Variants in MAST4 observed in about 807,000 individuals in gnomAD.
MAST4 encodes the protein microtubule-associated serine/threonine-protein kinase 4.
MAST4 carries 89 observed loss-of-function variants against 162.7 expected under a neutral mutation model. That is an observed-to-expected ratio of 0.55 (90% confidence interval 0.46 to 0.65). The LOEUF is 0.65. Among genes scored for constraint, MAST4 ranks in the 30% least tolerant of loss-of-function variants. MAST4 has a pLI of 0.00. For synonymous variants in MAST4, 1,479 were observed against 1,361.1 expected, an observed-to-expected ratio of 1.09 and a Z score of -1.91; for missense variants, 3,153 against 3,374.0, an observed-to-expected ratio of 0.93 and a Z score of 1.62.
chr5:66,598,085 G>A (rs1442660073), intron 1 of MAST4, among the ~76,000 whole-genome samples: 2 of 152,196 alleles, frequency 1.3e-5, no homozygotes, highest in East Asian at 1.9e-4. Flanking sequence ...GTCCCTTAGA[G>A]TAAGCAATCA....
chr5:67,123,095 A>T (rs1767777310), intron 14 of MAST4, among the ~76,000 whole-genome samples: 1 of 152,218 alleles, frequency 6.6e-6, no homozygotes, highest in Non-Finnish European at 1.5e-5. Context: ...GCTTATGGGA[A>T]CTGGCTGAAC....
chr5:66,798,822 T>G (rs1447767011), intron 3 of MAST4, among the ~76,000 whole-genome samples: 1 of 152,196 alleles, frequency 6.6e-6, no homozygotes, highest in Non-Finnish European at 1.5e-5. Flanking sequence ...CTGCCTTGTT[T>G]ATATGGGTGC....
chr5:66,698,276 C>G (rs1749540757), intron 1 of MAST4, among the ~76,000 whole-genome samples: 1 of 151,964 alleles, frequency 6.6e-6, no homozygotes, highest in Non-Finnish European at 1.5e-5. Flanking sequence ...ACTGGTGTAA[C>G]CTCAGCTCTG....
chr5:66,905,369 C>G (rs1253396908), intron 4 of MAST4, among the ~76,000 whole-genome samples: 1 of 151,352 alleles, frequency 6.6e-6, no homozygotes, highest in East Asian at 1.9e-4. Context: ...GAAGCAGCTC[C>G]CAGTATGTAT....
At chr5:67,120,656 G>A (rs1481902801) in intron 13 of MAST4, among the ~76,000 whole-genome samples, 1 of 152,126 alleles carries the variant, frequency 6.6e-6, no homozygotes, top group Admixed American at 6.5e-5. Context: ...GAGCCACTCC[G>A]GCCCATTCTT....
Position 67,163,305 on chromosome 5 carries a change from C to T in MAST4, c.4126C>T (p.Leu1376=). Residue 1376 remains leucine, a synonymous_variant, in exon 29 of 29, where the codon CTG becomes TTG. Coordinates refer to ENST00000403625, the MANE Select transcript of MAST4 (RefSeq NM_001164664.2). This position sits in a 1 kb window ranked among gnomAD's most constrained non-coding sequence, Gnocchi z 7.0. ...GRRKSAGNIP[L]SPLARTPSPT... ...GCGAAAGTCCGCCGGCAACATCCCACTGTCCCCGCTGGCCCGGACGCCCTC... is the reference window on the plus strand; with the variant it reads ...GCGAAAGTCCGCCGGCAACATCCCATTGTCCCCGCTGGCCCGGACGCCCTC... 6.2e-7 allele frequency: 1 copy of T among 1,613,198 alleles called. No homozygotes were observed. The highest frequency in any genetic ancestry group is 8.5e-7 in the Non-Finnish European group (1 of 1,179,884).
intron 4 of MAST4, among the ~76,000 whole-genome samples, chr5:67,032,378 C>G (rs1322341401): frequency 6.6e-6 from 1 of 152,160 alleles, no homozygotes; most frequent in African/African-American, 2.4e-5. Flanking sequence ...TATCTTTTCT[C>G]ATTTTTATTG....
At chr5:67,041,727 C>G (rs1234810590) in intron 4 of MAST4, among the ~76,000 whole-genome samples, 3 of 152,180 alleles carry the variant, frequency 2.0e-5, no homozygotes, top group African/African-American at 7.2e-5. Flanking sequence ...CTCCCAGGTT[C>G]AAGCGATCCT....
chr5:66,979,616 A>G (rs1748543205), intron 4 of MAST4, among the ~76,000 whole-genome samples: 1 of 152,142 alleles, frequency 6.6e-6, no homozygotes, highest in East Asian at 1.9e-4. Context: ...TACTACTAGG[A>G]TTGGGCTACT....
intron 1 of MAST4, among the ~76,000 whole-genome samples, chr5:66,678,796 ATT>A (rs11311474): frequency 9.6e-5 from 14 of 146,324 alleles, no homozygotes; most frequent in South Asian, 4.4e-4. Context: ...CCGGCCCCCA[ATT>A]TTTTTTTTTT....
intron 11 of MAST4, among the ~76,000 whole-genome samples, chr5:67,111,662 C>T (rs1004890745): frequency 3.3e-5 from 5 of 152,130 alleles, no homozygotes; most frequent in African/African-American, 1.2e-4. Context: ...GTTTGTACTT[C>T]CCACAATTGT....
chr5:66,929,382 C>T (rs934985993), intron 4 of MAST4, among the ~76,000 whole-genome samples: 7 of 152,036 alleles, frequency 4.6e-5, no homozygotes, highest in Non-Finnish European at 7.4e-5. Flanking sequence ...TAGTGCCTGC[C>T]GACATTGAGA....
At chr5:67,082,104 C>T (rs1281047819) in intron 5 of MAST4, among the ~76,000 whole-genome samples, 2 of 151,624 alleles carry the variant, frequency 1.3e-5, no homozygotes, top group Non-Finnish European at 2.9e-5. Context: ...AAATACTATG[C>T]AACCCAAATT....
At chr5:67,016,668 G>T (rs574776071) in intron 4 of MAST4, among the ~76,000 whole-genome samples, 2 of 152,136 alleles carry the variant, frequency 1.3e-5, no homozygotes, top group Non-Finnish European at 2.9e-5. Context: ...ATTTAAATGG[G>T]TTTGTGCTTT....
chr5:66,831,901 G>C (rs1297058849), intron 3 of MAST4, among the ~76,000 whole-genome samples: 1 of 152,182 alleles, frequency 6.6e-6, no homozygotes, highest in African/African-American at 2.4e-5. Flanking sequence ...AATTCATCAA[G>C]GGATAACTGG....
Position 66,788,717 on chromosome 5 carries a change from T to G in MAST4, c.565T>G (p.Ser189Ala), listed in dbSNP as rs757271307. The G allele has an allele frequency of 4.3e-6, 7 of 1,613,158 alleles. No individual in the cohort carries two copies. In the South Asian group the frequency reaches 4.4e-5, roughly 10 times the overall value. Residue 189 changes from serine to alanine, a missense_variant, in exon 3 of 29, where the codon TCT becomes GCT. By Grantham distance (99) the Ser-to-Ala change is moderately conservative. Transcript: ENST00000403625. The stretch of plus-strand genomic sequence containing the variant: ...GGTGGCGGGACAGGCCTGGCCGGCC[T>G]CTGCAGAGACGTCCAACCTCGTGCG... ...NPVAGQAWPA[S>A]AETSNLVRMR...
chr5:66,745,291 A>G (rs1752685717), intron 1 of MAST4, among the ~76,000 whole-genome samples: 1 of 152,142 alleles, frequency 6.6e-6, no homozygotes. Context: ...TCTGGTCCAT[A>G]GGAAGCAGTT....
chr5:66,918,135 G>A (rs752374048), intron 4 of MAST4, among the ~76,000 whole-genome samples: 3 of 152,194 alleles, frequency 2.0e-5, no homozygotes, highest in Admixed American at 1.3e-4. Flanking sequence ...ATGCCAAGAT[G>A]CAAATATTGG....
chr5:66,828,703 A>G (rs564326750), intron 3 of MAST4: 73 of 1,289,988 alleles, frequency 5.7e-5, no homozygotes, highest in Non-Finnish European at 7.0e-5. Flanking sequence ...ACTAAGCTGG[A>G]CCAGCTGACT....
Sources: gnomAD v4.1 joint callset for allele counts (sites outside exome capture counted in the v4.1 genomes callset) on GRCh38, gnomAD v4.1.1 for gene constraint, Gnocchi (gnomAD v3.1) non-coding constraint, MANE v1.5 for transcripts, NCBI Gene and HGNC (gene_info 2026-07-23, HGNC 2026-07-21) for gene names.